CELF5: variants seen among roughly 807,000 people sequenced by gnomAD.
The protein encoded by CELF5 is CUG-BP and ETR-3 like factor 5.
In CELF5, 6 loss-of-function variants were observed where a neutral mutation model predicts 54.9. That is an observed-to-expected ratio of 0.11 (90% CI 0.06 to 0.22). The LOEUF is 0.22. Among genes scored for constraint, CELF5 ranks in the 10% least tolerant of loss-of-function variants. The pLI is 1.00. For missense variants in CELF5, 401 were observed against 678.6 expected (o/e 0.59, Z 4.54); for synonymous variants, 271 against 290.9 (o/e 0.93, Z 0.70).
intron 1 of CELF5, among the ~76,000 whole-genome samples, chr19:3,235,017 G>A (rs1917460218): frequency 6.6e-6 from 1 of 152,004 alleles, no homozygotes; most frequent in Non-Finnish European, 1.5e-5. Context: ...CAAAGCTGAA[G>A]TCCTCCCGTG....
chr19:3,286,162 T>G, intron 10 of CELF5, 137 bp downstream of exon 10: 1 of 673,380 alleles, frequency 1.5e-6, no homozygotes, highest in Non-Finnish European at 2.3e-6. Flanking sequence ...CAGGCCAGAG[T>G]TGAGTCCCGG....
chr19:3,249,089 A>G (rs1416286352), intron 1 of CELF5, among the ~76,000 whole-genome samples: 1 of 151,960 alleles, frequency 6.6e-6, no homozygotes, highest in Non-Finnish European at 1.5e-5. Flanking sequence ...AGCGACCAGC[A>G]GGTGGCCACT....
intron 9 of CELF5, among the ~76,000 whole-genome samples, chr19:3,285,315 C>T (rs2080221855): frequency 6.6e-6 from 1 of 150,492 alleles, no homozygotes; most frequent in Non-Finnish European, 1.5e-5. Flanking sequence ...CTGCCCCTTA[C>T]CCTCCCTCCT....
chr19:3,234,649 A>C (rs1917433438), intron 1 of CELF5, among the ~76,000 whole-genome samples: 2 of 152,062 alleles, frequency 1.3e-5, no homozygotes, highest in Non-Finnish European at 2.9e-5. Flanking sequence ...CACACAGTGC[A>C]GTGTCCTGGG....
chr19:3,291,571 C>CAG (rs776648407), intron 11 of CELF5, among the ~76,000 whole-genome samples: 1 of 85,220 alleles, frequency 1.2e-5, no homozygotes. Context: ...GACTCCGACT[C>CAG]AAAAAAAAAA....
At chr19:3,233,734 C>G (rs1917385571) in intron 1 of CELF5, among the ~76,000 whole-genome samples, 1 of 152,044 alleles carries the variant, frequency 6.6e-6, no homozygotes, top group Admixed American at 6.6e-5. Context: ...TGAGCGGGTT[C>G]TGTGTGTCTT....
intron 5 of CELF5, among the ~76,000 whole-genome samples, chr19:3,279,826 C>T (rs970261789): frequency 6.6e-6 from 1 of 152,154 alleles, no homozygotes; most frequent in Non-Finnish European, 1.5e-5. Context: ...CCTCAGACTC[C>T]CAAGTAGCTG....
At chr19:3,284,149 A>G (rs1281187099) in intron 8 of CELF5, among the ~76,000 whole-genome samples, 1 of 151,694 alleles carries the variant, frequency 6.6e-6, no homozygotes, top group Non-Finnish European at 1.5e-5. Context: ...CACCCAGCTG[A>G]TTTCACGAGT....
intron 9 of CELF5, 56 bp from the exon 10 acceptor site, chr19:3,285,886 C>T: frequency 7.6e-7 from 1 of 1,322,984 alleles, no homozygotes; most frequent in Non-Finnish European, 1.0e-6. Flanking sequence ...GCGGCCCAGG[C>T]CGCCCACGTG....
chr19:3,262,489 CT>C (rs2079818944), intron 2 of CELF5, among the ~76,000 whole-genome samples: 1 of 152,158 alleles, frequency 6.6e-6, no homozygotes, highest in Admixed American at 6.6e-5. Flanking sequence ...GTGTTCTAGA[CT>C]GGAGCCCAGC....
rs1386532490 is a variant in CELF5, at chr19:3,228,617, G to GC, written c.259+3619_259+3620insC. Among the ~76,000 whole-genome samples, 1 of 149,592 alleles carries GC rather than the reference G, an allele frequency of 6.7e-6. No individual in the cohort carries two copies. The highest frequency in any genetic ancestry group is 1.5e-5 in the Non-Finnish European group (1 of 67,238). On this transcript the variant is annotated intron_variant, in intron 1 of 12. Coordinates refer to ENST00000292672, the MANE Select transcript of CELF5 (RefSeq NM_021938.4). This position sits in a 1 kb window ranked among gnomAD's most constrained non-coding sequence, Gnocchi z 6.0. ...GTTGCGCTGGGGGACGGTGCAGGTGGGGGGGGGGCCCGGCGGGGGCCCGGG... is the reference window on the plus strand; with the variant it reads ...GTTGCGCTGGGGGACGGTGCAGGTGGCGGGGGGGGCCCGGCGGGGGCCCGGG...
At chr19:3,251,179 CAGAA>C (rs2079642248) in intron 2 of CELF5, 112 bp downstream of exon 2, 2 of 769,224 alleles carry the variant, frequency 2.6e-6, no homozygotes. Context: ...TCTCGGGACT[CAGAA>C]AGAGGTATGA....
intron 2 of CELF5, among the ~76,000 whole-genome samples, chr19:3,254,093 C>T (rs935350662): frequency 3.3e-5 from 5 of 152,120 alleles, no homozygotes; most frequent in African/African-American, 9.7e-5. Context: ...CCAAGAGCCA[C>T]GAAACCTCAT....
intron 1 of CELF5, among the ~76,000 whole-genome samples, chr19:3,230,611 G>A (rs1917208767): frequency 1.3e-5 from 2 of 152,188 alleles, no homozygotes; most frequent in Admixed American, 6.5e-5. Flanking sequence ...CTTTCCTGAG[G>A]GCACTGGGGA....
intron 1 of CELF5, among the ~76,000 whole-genome samples, chr19:3,243,645 G>A (rs1247808658): frequency 6.6e-6 from 1 of 152,064 alleles, no homozygotes. Flanking sequence ...GTTTGCAGGC[G>A]CTGCCGTAAC....
intron 1 of CELF5, among the ~76,000 whole-genome samples, chr19:3,235,063 C>G (rs993478080): frequency 2.6e-5 from 4 of 152,152 alleles, no homozygotes; most frequent in Non-Finnish European, 5.9e-5. Flanking sequence ...CCCCTGCCCC[C>G]TCTCTCCTCC....
intron 10 of CELF5, among the ~76,000 whole-genome samples, chr19:3,287,099 C>T (rs1451381366): frequency 6.6e-6 from 1 of 150,386 alleles, no homozygotes; most frequent in Non-Finnish European, 1.5e-5. Context: ...CCCAAGTGTT[C>T]ATCAGCAGGT....
intron 1 of CELF5, among the ~76,000 whole-genome samples, chr19:3,229,877 C>T (rs1435175479): frequency 6.6e-6 from 1 of 152,140 alleles, no homozygotes; most frequent in Non-Finnish European, 1.5e-5. Context: ...AGTTTTTGCC[C>T]TGGTAGGAAA....
At chr19:3,279,004 A>G (rs984880071) in intron 5 of CELF5, among the ~76,000 whole-genome samples, 1 of 152,192 alleles carries the variant, frequency 6.6e-6, no homozygotes, top group East Asian at 1.9e-4. Flanking sequence ...CAGACGGTTT[A>G]GAGCAAGGGA....
Sources: gnomAD v4.1 joint callset for allele counts (sites outside exome capture counted in the v4.1 genomes callset) on GRCh38, gnomAD v4.1.1 for gene constraint, Gnocchi (gnomAD v3.1) non-coding constraint, MANE v1.5 for transcripts, NCBI Gene and HGNC (gene_info 2026-07-23, HGNC 2026-07-21) for gene names.